Variants in TAB2 observed in about 807,000 individuals in gnomAD.
The protein encoded by TAB2 is TGF-beta-activated kinase 1 and MAP3K7-binding protein 2.
In TAB2, 3 loss-of-function variants were observed where a neutral mutation model predicts 65.0. That is an observed-to-expected ratio of 0.05 (90% CI 0.02 to 0.12). TAB2 has a LOEUF of 0.12. Among genes scored for constraint, TAB2 ranks in the 10% least tolerant of loss-of-function variants. TAB2 has a pLI of 1.00. For synonymous variants in TAB2, 298 were observed against 285.1 expected (o/e 1.05, Z -0.46); for missense variants, 623 against 840.3 (o/e 0.74, Z 3.20).
chr6:149,265,352 C>G (rs887806260), intron 1 of TAB2, among the ~76,000 whole-genome samples: 1 of 152,152 alleles, frequency 6.6e-6, no homozygotes, highest in South Asian at 2.1e-4. Flanking sequence ...TAACGTAAGT[C>G]TACACCTTAG....
intron 1 of TAB2, among the ~76,000 whole-genome samples, chr6:149,355,125 T>C (rs1780614823): frequency 2.0e-5 from 3 of 152,186 alleles, no homozygotes; most frequent in African/African-American, 7.2e-5. Flanking sequence ...AAATCTCCCA[T>C]GATGCGCCGC....
At chr6:149,321,902 A>G (rs1779467087) in intron 1 of TAB2, among the ~76,000 whole-genome samples, 2 of 152,182 alleles carry the variant, frequency 1.3e-5, no homozygotes, top group South Asian at 4.1e-4. Context: ...TTTATGCTTC[A>G]TAAATGAGGC....
At chr6:149,277,502 T>C (rs1449547222) in intron 1 of TAB2, among the ~76,000 whole-genome samples, 2 of 152,088 alleles carry the variant, frequency 1.3e-5, no homozygotes, top group African/African-American at 4.8e-5. Flanking sequence ...GTTAAAGTGC[T>C]TGGAAAGACA....
intron 1 of TAB2, among the ~76,000 whole-genome samples, chr6:149,323,102 C>A (rs1353862890): frequency 2.0e-5 from 3 of 152,074 alleles, no homozygotes; most frequent in African/African-American, 7.2e-5. Flanking sequence ...TCTTAATGAT[C>A]ATTTTTCTGT....
intron 1 of TAB2, among the ~76,000 whole-genome samples, chr6:149,363,028 A>G (rs1780905763): frequency 6.6e-6 from 1 of 152,200 alleles, no homozygotes. Flanking sequence ...TTAAAATTAT[A>G]CTTTTCTTCC....
intron 1 of TAB2, among the ~76,000 whole-genome samples, chr6:149,268,253 G>T (rs762642090): frequency 1.3e-5 from 2 of 152,116 alleles, no homozygotes; most frequent in Non-Finnish European, 2.9e-5. Flanking sequence ...TCCGCATCAC[G>T]GTCCACTGTG....
chr6:149,296,343 T>C (rs1010095330), intron 1 of TAB2, among the ~76,000 whole-genome samples: 12 of 152,168 alleles, frequency 7.9e-5, no homozygotes, highest in Admixed American at 6.5e-5. Context: ...GGACTTTGAA[T>C]TTTGTCTTTC....
At chr6:149,332,910 G>A (rs1247109694) in intron 1 of TAB2, among the ~76,000 whole-genome samples, 1 of 152,108 alleles carries the variant, frequency 6.6e-6, no homozygotes, top group African/African-American at 2.4e-5. Context: ...AATGCCACAA[G>A]TTTTTTCTGT....
chr6:149,350,664 G>T lies in TAB2; in HGVS notation c.-89-19245G>T, dbSNP rs115967468. ...TTTAAGAGCTCAGTCACCCAGGCTG[G>T]AGTGCAGTGGCACAATCATAGCTCA... On this transcript the variant is annotated intron_variant, in intron 1 of 6. Transcript: ENST00000637181. Among the ~76,000 whole-genome samples, 1,013 of 143,512 alleles carry T rather than the reference G, an allele frequency of 7.1e-3. 8 individuals carry two copies. The highest frequency in any genetic ancestry group is 0.025 in the African/African-American group (970 of 38,560). 94.1% of individuals were successfully genotyped at this position (143,512 alleles called of 152,430 possible). A position where few individuals can be genotyped will look rare whatever the true frequency, so the allele number is the denominator to read the frequency against.
chr6:149,323,792 G>A (rs1048752202), intron 1 of TAB2, among the ~76,000 whole-genome samples: 6 of 152,200 alleles, frequency 3.9e-5, no homozygotes, highest in Non-Finnish European at 5.9e-5. Context: ...AGCATGTATC[G>A]TGTGCTTTAT....
chr6:149,406,782 A>G (rs1782678807), intron 6 of TAB2, among the ~76,000 whole-genome samples: 1 of 152,022 alleles, frequency 6.6e-6, no homozygotes, highest in African/African-American at 2.4e-5. Flanking sequence ...GCAATGGCGC[A>G]ATCTCGGCTC....
At chr6:149,229,815 T>C (rs1777365042) in intron 1 of TAB2, 2 of 152,206 alleles carry the variant, frequency 1.3e-5, no homozygotes, top group Non-Finnish European at 2.9e-5. Context: ...ATGGTGCCCT[T>C]GTAGGTTAAG....
intron 1 of TAB2, among the ~76,000 whole-genome samples, chr6:149,352,000 G>A (rs1004394584): frequency 2.0e-5 from 3 of 152,106 alleles, no homozygotes; most frequent in Non-Finnish European, 4.4e-5. Flanking sequence ...GAAAGTTTAT[G>A]CCTGTCTCAG....
At chr6:149,254,819 C>T (rs143994542) in intron 1 of TAB2, among the ~76,000 whole-genome samples, 144 of 152,238 alleles carry the variant, frequency 9.5e-4, no homozygotes, top group African/African-American at 3.2e-3. Context: ...TACTGTGTTC[C>T]AGGGACTGTA....
intron 1 of TAB2, among the ~76,000 whole-genome samples, chr6:149,227,788 C>G (rs1777314243): frequency 6.6e-6 from 1 of 152,162 alleles, no homozygotes; most frequent in Non-Finnish European, 1.5e-5. Flanking sequence ...TTAAAATAAT[C>G]TGTGAGATGG....
At position 149,376,576 on chromosome 6, in the gene TAB2, A is replaced by G. The variant is rs545777857; in HGVS notation, c.103-1442A>G. Reference sequence around the variant, plus strand: ...TTGTCGTTGTTGTTGTTCAAGTTCTACATATTCTATGAAAACCATCAGGCC... The same window carrying G: ...TTGTCGTTGTTGTTGTTCAAGTTCTGCATATTCTATGAAAACCATCAGGCC... On this transcript the variant is annotated intron_variant, in intron 2 of 6. Coordinates refer to ENST00000637181, the MANE Select transcript of TAB2 (RefSeq NM_001292034.3). 2.6e-5 allele frequency among the ~76,000 whole-genome samples: 4 copies of G among 152,268 alleles called. No individual in the cohort carries two copies. In the East Asian group the frequency reaches 7.7e-4, roughly 29 times the overall value.
intron 1 of TAB2, among the ~76,000 whole-genome samples, chr6:149,292,756 T>G (rs1334345585): frequency 6.6e-6 from 1 of 152,218 alleles, no homozygotes; most frequent in African/African-American, 2.4e-5. Context: ...ATTAATATAC[T>G]CTACCTTAGT....
At chr6:149,238,448 C>T (rs1016316282) in intron 1 of TAB2, among the ~76,000 whole-genome samples, 2 of 152,134 alleles carry the variant, frequency 1.3e-5, no homozygotes, top group African/African-American at 4.8e-5. Context: ...CTCCACAAGG[C>T]ACAGCAAACC....
chr6:149,221,565 A>G (rs1468038283), intron 1 of TAB2, among the ~76,000 whole-genome samples: 1 of 152,212 alleles, frequency 6.6e-6, no homozygotes, highest in East Asian at 1.9e-4. Context: ...GCTACAGCCA[A>G]CTGAGAGAGA....
Sources: gnomAD v4.1 joint callset for allele counts (sites outside exome capture counted in the v4.1 genomes callset) on GRCh38, gnomAD v4.1.1 for gene constraint, MANE v1.5 for transcripts, NCBI Gene and HGNC (gene_info 2026-07-23, HGNC 2026-07-21) for gene names.